CARD8: variants seen among roughly 807,000 people sequenced by gnomAD.
The protein encoded by CARD8 is caspase recruitment domain family member 8.
A neutral mutation model predicts 53.2 loss-of-function variants in CARD8; 38 were observed. That is an observed-to-expected ratio of 0.71 (90% CI 0.55 to 0.94). CARD8 has a LOEUF of 0.94. Among genes scored for constraint, CARD8 ranks in the 40% least tolerant of loss-of-function variants. CARD8 has a pLI of 0.00. For synonymous variants in CARD8, 245 were observed against 244.9 expected, an observed-to-expected ratio of 1.00 and a Z score of 0.00; for missense variants, 561 against 655.5, an observed-to-expected ratio of 0.86 and a Z score of 1.57.
In CARD8 at chr19:48,238,371, G is replaced by A. The variant is rs1037729485; in HGVS notation, c.209+12C>T. On this transcript the variant is annotated intron_variant, in intron 5 of 13. Coordinates refer to ENST00000651546, the MANE Select transcript of CARD8 (RefSeq NM_001184900.3). The stretch of plus-strand genomic sequence containing the variant: ...ATCTTTAATTTTTTCCCAACAAATA[G>A]ATGTCCCTTACGTATCATTTGTCAC... 1 of 1,533,118 alleles carries A rather than the reference G, an allele frequency of 6.5e-7. No homozygotes were observed. Among genetic ancestry groups the A allele is most frequent in the East Asian group, 2.4e-5 (1 of 40,884 alleles). 95.0% of individuals were successfully genotyped at this position (1,533,118 alleles called of 1,614,324 possible).
chr19:48,230,973 CCA>C lies in CARD8; in HGVS notation c.574_575del (p.Trp192ValfsTer12). On this transcript the variant is annotated frameshift_variant, in exon 9 of 14. Coordinates refer to ENST00000651546, the MANE Select transcript of CARD8 (RefSeq NM_001184900.3). LOFTEE classifies it high-confidence loss of function. The stretch of plus-strand genomic sequence containing the variant: ...CCAGGAAGCCGAGGCCTGTGGCTGA[CCA>C]CAGATACCAGCCAGCAGTGGGGAAC... ...VWFPTAGWYL[W>X]SATGLGFLVR... 2 of 1,614,118 alleles carry C rather than the reference CCA, an allele frequency of 1.2e-6. No individual in the cohort carries two copies.
intron 3 of CARD8, among the ~76,000 whole-genome samples, chr19:48,241,856 C>A (rs545249035): frequency 6.6e-6 from 1 of 152,016 alleles, no homozygotes; most frequent in Non-Finnish European, 1.5e-5. Context: ...GTTCACAAAC[C>A]ACACAATTCA....
At chr19:48,227,983 T>A (rs2042126219) in intron 10 of CARD8, among the ~76,000 whole-genome samples, 1 of 152,146 alleles carries the variant, frequency 6.6e-6, no homozygotes, top group African/African-American at 2.4e-5. Flanking sequence ...CCTTCATCTG[T>A]ATTTACAGCC....
chr19:48,216,119 T>C (rs2039231299), intron 12 of CARD8, among the ~76,000 whole-genome samples: 1 of 137,060 alleles, frequency 7.3e-6, no homozygotes, highest in African/African-American at 2.6e-5. Flanking sequence ...TCTCCCCCAT[T>C]TCATCTAGAA....
intron 10 of CARD8, among the ~76,000 whole-genome samples, chr19:48,227,497 G>C (rs978278725): frequency 6.6e-6 from 1 of 152,148 alleles, no homozygotes; most frequent in Non-Finnish European, 1.5e-5. Flanking sequence ...GGCGATTTGA[G>C]GAGAGACTCA....
At chr19:48,212,463 CAG>C (rs2123832004) in intron 13 of CARD8, among the ~76,000 whole-genome samples, 1 of 152,302 alleles carries the variant, frequency 6.6e-6, no homozygotes, top group South Asian at 2.1e-4. Flanking sequence ...AAAGGAAGAA[CAG>C]GGGAAAAGAT....
rs1411670077 is a variant in CARD8 at position 48,249,580 on chromosome 19, C to T, written c.-101G>A. The T allele has an allele frequency of 6.6e-6, 1 of 152,300 alleles. No individual in the cohort carries two copies. Among genetic ancestry groups the T allele is most frequent in the Non-Finnish European group, 1.5e-5 (1 of 68,038 alleles). 9.4% of individuals were successfully genotyped at this position (152,300 alleles called of 1,614,324 possible). A position where few individuals can be genotyped will look rare whatever the true frequency, so the allele number is the denominator to read the frequency against. On this transcript the variant is annotated 5_prime_UTR_variant, in exon 3 of 14. Transcript: ENST00000651546. ...CGTTTACCGCCCACAGCCATCATGGCGACCGGAAGTCCTGAGAGCTTGTTT... is the reference window on the plus strand; with the variant it reads ...CGTTTACCGCCCACAGCCATCATGGTGACCGGAAGTCCTGAGAGCTTGTTT...
intron 10 of CARD8, among the ~76,000 whole-genome samples, chr19:48,226,663 T>C (rs1320818652): frequency 1.3e-5 from 2 of 152,178 alleles, no homozygotes; most frequent in Admixed American, 6.5e-5. Context: ...TGAAAAACAA[T>C]GGAACCAGTG....
At chr19:48,242,905 T>C (rs1197841612) in intron 3 of CARD8, among the ~76,000 whole-genome samples, 1 of 152,182 alleles carries the variant, frequency 6.6e-6, no homozygotes, top group Non-Finnish European at 1.5e-5. Flanking sequence ...TCACCTATAA[T>C]TGTTATTATG....
intron 3 of CARD8, chr19:48,242,464 T>C (rs1395340547): frequency 2.0e-5 from 3 of 152,276 alleles, no homozygotes; most frequent in Non-Finnish European, 4.4e-5. Context: ...TCAAACAATA[T>C]ATTGTCCTTT....
chr19:48,211,747 G>C lies in CARD8; in HGVS notation c.1577C>G (p.Pro526Arg). The change falls in exon 14 of 14, where the codon CCT (proline) becomes CGT (arginine). Residue 526 changes from proline to arginine, a missense_variant. Transcript: ENST00000651546. Reference protein sequence around the residue: ...VLFRSISERDPYLVSYLRQQN... With the variant: ...VLFRSISERDRYLVSYLRQQN... The stretch of plus-strand genomic sequence containing the variant: ...CTGTCTAAGATAGGACACGAGGTAA[G>C]GGTCCCTTTCACTAATGCTTCTGAA... 6.2e-7 allele frequency: 1 copy of C among 1,614,122 alleles called. No homozygotes were observed. Among genetic ancestry groups the C allele is most frequent in the Non-Finnish European group, 8.5e-7 (1 of 1,180,018 alleles).
chr19:48,245,874 TAATATAC>T (rs1432588089), intron 3 of CARD8, among the ~76,000 whole-genome samples: 4 of 148,774 alleles, frequency 2.7e-5, no homozygotes, highest in Admixed American at 6.7e-5. Context: ...ATATTATATA[TAATATAC>T]AATTGTATAT....
chr19:48,241,295 A>G (rs1057296361), intron 3 of CARD8, among the ~76,000 whole-genome samples: 1 of 152,068 alleles, frequency 6.6e-6, no homozygotes, highest in African/African-American at 2.4e-5. Flanking sequence ...TAGCTCTGTC[A>G]CCCAGGCTGG....
chr19:48,231,546 G>C, intron 8 of CARD8, 114 bp downstream of exon 8: 1 of 1,028,818 alleles, frequency 9.7e-7, no homozygotes, highest in Non-Finnish European at 1.4e-6. Flanking sequence ...CTTGTGATCC[G>C]CCCTCCTCCA....
At chr19:48,252,104 T>G (rs1454181812) in intron 1 of CARD8, among the ~76,000 whole-genome samples, 1 of 152,140 alleles carries the variant, frequency 6.6e-6, no homozygotes, top group Non-Finnish European at 1.5e-5. Flanking sequence ...ATTTCCTAAT[T>G]TACCTCTTCC....
At chr19:48,252,759 A>G (rs545148900) in intron 1 of CARD8, among the ~76,000 whole-genome samples, 1 of 151,154 alleles carries the variant, frequency 6.6e-6, no homozygotes, top group East Asian at 2.0e-4. Context: ...CAGCCTCCAA[A>G]AGTGCTAGGA....
intron 7 of CARD8, chr19:48,232,193 C>A (rs16981832): frequency 0.03 from 17,133 of 578,706 alleles, 917 homozygotes; most frequent in African/African-American, 0.16. Flanking sequence ...GATGCAGAGG[C>A]GAAAGAGCGT....
At chr19:48,221,146 T>C (rs997238199) in intron 11 of CARD8, among the ~76,000 whole-genome samples, 1 of 152,182 alleles carries the variant, frequency 6.6e-6, no homozygotes, top group South Asian at 2.1e-4. Context: ...ACTCTAGCCC[T>C]GCAGGAAAAA....
At chr19:48,240,538 G>A (rs1484862743) in intron 4 of CARD8, among the ~76,000 whole-genome samples, 1 of 152,146 alleles carries the variant, frequency 6.6e-6, no homozygotes, top group Non-Finnish European at 1.5e-5. Flanking sequence ...GGAGGCCGAG[G>A]TGGGTGGATC....
Sources: gnomAD v4.1 joint callset for allele counts (sites outside exome capture counted in the v4.1 genomes callset) on GRCh38, gnomAD v4.1.1 for gene constraint, MANE v1.5 for transcripts, NCBI Gene and HGNC (gene_info 2026-07-23, HGNC 2026-07-21) for gene names.